Variants in DARS1 observed in about 807,000 individuals in gnomAD.
DARS1 encodes the protein aspartyl-tRNA synthetase 1.
A neutral mutation model predicts 68.8 loss-of-function variants in DARS1; 51 were observed. The observed-to-expected ratio is 0.74, with a 90% CI of 0.59 to 0.94. The LOEUF (loss-of-function observed/expected upper bound fraction) is 0.94. DARS1 is among the 40% of genes least tolerant of loss of function. The pLI, the probability that DARS1 is intolerant of heterozygous loss-of-function variation, is 0.00. For synonymous variants in DARS1, 203 were observed against 190.4 expected (o/e 1.07, Z -0.55); for missense variants, 607 against 597.3 (o/e 1.02, Z -0.17).
chr2:135,943,969 C>T (rs16832243), intron 4 of DARS1, among the ~76,000 whole-genome samples: 24,486 of 152,080 alleles, frequency 0.16, 2,274 homozygotes, highest in Middle Eastern at 0.4. Context: ...ATTAAATCCT[C>T]ACTACCTTTA....
In DARS1 at chr2:135,967,731, T is replaced by C. The variant is rs1046196968; in HGVS notation, c.218-6233A>G. 3.9e-5 allele frequency among the ~76,000 whole-genome samples: 6 copies of C among 152,310 alleles called. No homozygotes were observed. The South Asian group carries it at 1.2e-3, about 32-fold the overall frequency. On this transcript the variant is annotated intron_variant, in intron 3 of 15. Transcript: ENST00000264161. ...ATGTCATACTTTTGACACTAGGATTTTGACACTTCCATTTCCTTATTCACA... is the reference window on the plus strand; with the variant it reads ...ATGTCATACTTTTGACACTAGGATTCTGACACTTCCATTTCCTTATTCACA...
chr2:135,943,745 C>T (rs1387649585), intron 4 of DARS1, among the ~76,000 whole-genome samples: 3 of 152,044 alleles, frequency 2.0e-5, no homozygotes, highest in African/African-American at 4.8e-5. Context: ...AAAACCAGTA[C>T]CGAATTGGGA....
At chr2:135,911,623 T>A in intron 13 of DARS1, 130 bp from the exon 14 acceptor site, 1 of 608,986 alleles carries the variant, frequency 1.6e-6, no homozygotes, top group South Asian at 2.1e-5. Context: ...AATCTTGTTC[T>A]CTAAAGTAGA....
At chr2:135,971,270 T>C (rs1470599306) in intron 3 of DARS1, among the ~76,000 whole-genome samples, 1 of 152,174 alleles carries the variant, frequency 6.6e-6, no homozygotes, top group Non-Finnish European at 1.5e-5. Context: ...ATCTCAGGGA[T>C]GCAAGGAGGT....
chr2:135,921,038 G>A (rs541609066), intron 9 of DARS1, among the ~76,000 whole-genome samples: 1 of 151,028 alleles, frequency 6.6e-6, no homozygotes, highest in Admixed American at 6.6e-5. Context: ...TGTGAAAGAT[G>A]AGTCGAGCTA....
intron 4 of DARS1, among the ~76,000 whole-genome samples, chr2:135,948,641 G>C (rs1681777055): frequency 6.6e-6 from 1 of 152,136 alleles, no homozygotes; most frequent in African/African-American, 2.4e-5. Context: ...AGGGCGGGTG[G>C]ATCACTTGAG....
chr2:135,944,959 C>T (rs1303981866), intron 4 of DARS1, among the ~76,000 whole-genome samples: 2 of 152,138 alleles, frequency 1.3e-5, no homozygotes, highest in Admixed American at 1.3e-4. Flanking sequence ...CTTCATCAAG[C>T]AACCTGACCT....
intron 7 of DARS1, among the ~76,000 whole-genome samples, chr2:135,930,694 G>T (rs971813617): frequency 6.6e-6 from 1 of 152,168 alleles, no homozygotes. Flanking sequence ...TTGAACCAAC[G>T]AATCCATTTG....
At chr2:135,972,986 G>C (rs986906713) in intron 3 of DARS1, among the ~76,000 whole-genome samples, 3 of 152,184 alleles carry the variant, frequency 2.0e-5, no homozygotes, top group African/African-American at 7.2e-5. Context: ...ATGTAAATTA[G>C]TACAATCACT....
intron 12 of DARS1, 120 bp downstream of exon 12, chr2:135,914,349 G>T: frequency 7.3e-6 from 5 of 680,722 alleles, no homozygotes; most frequent in Middle Eastern, 2.7e-4. Context: ...GTCCTTCTTC[G>T]GTTTTTATTT....
rs906188839 is a variant in DARS1, at chr2:135,946,213, A to G, written c.321-2733T>C. ...TACTGACTGTAGAAAGAGTCTGATTATATGGTTTTAACTGACATTGTATAT... is the reference window on the plus strand; with the variant it reads ...TACTGACTGTAGAAAGAGTCTGATTGTATGGTTTTAACTGACATTGTATAT... On this transcript the variant is annotated intron_variant, in intron 4 of 15. Transcript: ENST00000264161. Among the ~76,000 whole-genome samples, 3 of 152,310 alleles carry G rather than the reference A, an allele frequency of 2.0e-5. No individual in the cohort carries two copies. In the East Asian group the frequency reaches 5.8e-4, roughly 29 times the overall value.
Position 135,932,772 on chromosome 2 carries a change from A to AG in DARS1, c.564+10_564+11insC. On this transcript the variant is annotated intron_variant, in intron 7 of 15. Coordinates refer to ENST00000264161, the MANE Select transcript of DARS1 (RefSeq NM_001349.4). ...CATAATTGCTTCACTTAATAAATAA[A>AG]TGAGGCATACCCTAAGATCAATGAC... 1 of 1,161,242 alleles carries AG rather than the reference A, an allele frequency of 8.6e-7. No homozygotes were observed. The highest frequency in any genetic ancestry group is 1.3e-6 in the Non-Finnish European group (1 of 774,870). 71.9% of individuals were successfully genotyped at this position (1,161,242 alleles called of 1,614,324 possible). A position where few individuals can be genotyped will look rare whatever the true frequency, so the allele number is the denominator to read the frequency against.
intron 1 of DARS1, 49 bp from the exon 2 acceptor site, chr2:135,983,503 G>A (rs757972947): frequency 5.1e-5 from 38 of 741,902 alleles, no homozygotes; most frequent in Non-Finnish European, 4.7e-6. Context: ...AACACTAAGA[G>A]CACAGTAAAC....
chr2:135,940,517 A>G (rs1340780791), intron 5 of DARS1, among the ~76,000 whole-genome samples: 1 of 152,242 alleles, frequency 6.6e-6, no homozygotes, highest in Non-Finnish European at 1.5e-5. Flanking sequence ...TCTCAAAATA[A>G]TAAGAGCTAT....
intron 11 of DARS1, among the ~76,000 whole-genome samples, chr2:135,915,108 T>TATA: frequency 6.6e-6 from 1 of 151,402 alleles, no homozygotes; most frequent in East Asian, 2.0e-4. Context: ...ATATATATAT[T>TATA]TTTTTTTGTT....
intron 4 of DARS1, among the ~76,000 whole-genome samples, chr2:135,960,208 A>G (rs1682070086): frequency 6.6e-6 from 1 of 152,218 alleles, no homozygotes. Context: ...ACTGGGAGAT[A>G]GGGAGAGGTG....
rs1558776873 is a variant in DARS1 at position 135,914,348 on chromosome 2, CGGT to C, written c.1149+118_1149+120del. ...AAATTTTTTTAATGTTGTCCTTCTTCGGTTTTTATTTATTCCAGAATCATACCA... is the reference window on the plus strand; with the variant it reads ...AAATTTTTTTAATGTTGTCCTTCTTCTTTTATTTATTCCAGAATCATACCA... On this transcript the variant is annotated intron_variant, in intron 12 of 15. Transcript: ENST00000264161. 8 of 688,706 alleles carry C rather than the reference CGGT, an allele frequency of 1.2e-5. No homozygotes were observed. The African/African-American group carries it at 1.4e-4, about 12-fold the overall frequency. 42.7% of individuals were successfully genotyped at this position (688,706 alleles called of 1,614,324 possible).
intron 9 of DARS1, among the ~76,000 whole-genome samples, chr2:135,921,889 A>G (rs1681115864): frequency 6.6e-6 from 1 of 152,238 alleles, no homozygotes; most frequent in South Asian, 2.1e-4. Flanking sequence ...GCAGGTGTTC[A>G]ACAAATAACT....
chr2:135,982,712 C>T (rs76337990), intron 2 of DARS1, among the ~76,000 whole-genome samples: 2,930 of 152,126 alleles, frequency 0.019, 74 homozygotes, highest in African/African-American at 0.064. Context: ...GACACTAAAG[C>T]TACGAGTAAA....
Sources: allele counts gnomAD v4.1 joint callset (sites outside exome capture counted in the v4.1 genomes callset), GRCh38; gene constraint gnomAD v4.1.1; transcripts MANE v1.5; gene names NCBI Gene and HGNC (gene_info 2026-07-23, HGNC 2026-07-21).